DGKI: variants seen among roughly 807,000 people sequenced by gnomAD.
DGKI encodes the protein DAG kinase iota.
A neutral mutation model predicts 147.5 loss-of-function variants in DGKI; 55 were observed. The observed-to-expected ratio is 0.37, with a 90% CI of 0.30 to 0.47. DGKI has a LOEUF of 0.47. Among genes scored for constraint, DGKI ranks in the 20% least tolerant of loss-of-function variants. The probability of loss-of-function intolerance (pLI) is 1.00; values close to 1 mark genes in which losing one functional copy is unlikely to be tolerated. For synonymous variants in DGKI, 469 were observed against 477.1 expected (o/e 0.98, Z 0.22); for missense variants, 1,007 against 1,323.8 (o/e 0.76, Z 3.71).
chr7:137,796,236 G>A lies in DGKI; in HGVS notation c.401+50226C>T, dbSNP rs910759487. Among the ~76,000 whole-genome samples, 11 of 152,176 alleles carry A rather than the reference G, an allele frequency of 7.2e-5. No individual in the cohort carries two copies. The East Asian group carries it at 1.2e-3, about 16-fold the overall frequency. ...TTTAAGGCCAGGCATGGTGGCTCAC[G>A]CCTGTAATCCCAGCACTTTGGGAGG... On this transcript the variant is annotated intron_variant, in intron 1 of 32. Coordinates refer to ENST00000614521, the MANE Select transcript of DGKI (RefSeq NM_001321708.2).
intron 5 of DGKI, among the ~76,000 whole-genome samples, chr7:137,651,770 C>T: frequency 6.6e-6 from 1 of 151,868 alleles, no homozygotes; most frequent in Non-Finnish European, 1.5e-5. Context: ...TCTGATGAAA[C>T]AAGAAGAAAA....
intron 1 of DGKI, among the ~76,000 whole-genome samples, chr7:137,815,870 A>T (rs1358691299): frequency 2.0e-5 from 3 of 152,114 alleles, no homozygotes; most frequent in Non-Finnish European, 4.4e-5. Flanking sequence ...TATTTTCATT[A>T]TGGGTACCCT....
chr7:137,567,002 T>C (rs999177664), intron 19 of DGKI, among the ~76,000 whole-genome samples: 3 of 108,600 alleles, frequency 2.8e-5, no homozygotes, highest in Non-Finnish European at 5.0e-5. Context: ...TGGTGGCTCA[T>C]GCCTGTAACC....
rs7807546 is a variant in DGKI at position 137,643,278 on chromosome 7, G to A, written c.804+2194C>T. Among the ~76,000 whole-genome samples, 1,044 of 112,552 alleles carry A rather than the reference G, an allele frequency of 9.3e-3. 15 individuals are homozygous for A. Among genetic ancestry groups the A allele is most frequent in the African/African-American group, 0.035 (965 of 27,412 alleles). 73.8% of individuals were successfully genotyped at this position (112,552 alleles called of 152,430 possible). On this transcript the variant is annotated intron_variant, in intron 6 of 32. Coordinates refer to ENST00000614521, the MANE Select transcript of DGKI (RefSeq NM_001321708.2). ...TGCACTCCAACCTGGGAGACACAGC[G>A]AGACTCCGTCTCAAAAAAAAAAAAA... is the stretch of plus-strand genomic sequence containing the variant.
intron 20 of DGKI, among the ~76,000 whole-genome samples, chr7:137,537,313 C>T (rs1206973886): frequency 3.3e-5 from 5 of 152,138 alleles, no homozygotes; most frequent in African/African-American, 9.7e-5. Context: ...CTTCACTATC[C>T]GACCTTAAGA....
intron 1 of DGKI, among the ~76,000 whole-genome samples, chr7:137,762,615 G>A (rs186960518): frequency 6.6e-6 from 1 of 152,264 alleles, no homozygotes; most frequent in Admixed American, 6.5e-5. Flanking sequence ...ACCCCAGCAT[G>A]GATCACAGCT....
At chr7:137,425,013 G>A (rs989050560) in intron 28 of DGKI, among the ~76,000 whole-genome samples, 20 of 140,362 alleles carry the variant, frequency 1.4e-4, no homozygotes, top group Non-Finnish European at 2.8e-4. Flanking sequence ...AAATGTCCCT[G>A]TCTGACAGCT....
intron 1 of DGKI, among the ~76,000 whole-genome samples, chr7:137,743,994 A>G (rs1201165453): frequency 6.6e-6 from 1 of 151,572 alleles, no homozygotes; most frequent in Non-Finnish European, 1.5e-5. Flanking sequence ...AAAAAGAAAA[A>G]AAAAAAAAAC....
At chr7:137,589,443 C>T (rs1221999343) in intron 12 of DGKI, among the ~76,000 whole-genome samples, 1 of 152,228 alleles carries the variant, frequency 6.6e-6, no homozygotes, top group Non-Finnish European at 1.5e-5. Flanking sequence ...GGGGAACTTA[C>T]TCCCAGACAG....
chr7:137,457,697 A>G (rs998133989), intron 27 of DGKI, among the ~76,000 whole-genome samples: 3 of 152,170 alleles, frequency 2.0e-5, no homozygotes, highest in Non-Finnish European at 4.4e-5. Context: ...AATTTCCTTG[A>G]GCACACATAG....
At chr7:137,602,494 A>G (rs900377686) in intron 10 of DGKI, among the ~76,000 whole-genome samples, 1 of 152,164 alleles carries the variant, frequency 6.6e-6, no homozygotes, top group Admixed American at 6.5e-5. Context: ...ATATGATTAC[A>G]TCTTTTAAAA....
At chr7:137,743,964 C>T (rs1364997972) in intron 1 of DGKI, among the ~76,000 whole-genome samples, 3 of 138,228 alleles carry the variant, frequency 2.2e-5, no homozygotes, top group Admixed American at 7.7e-5. Flanking sequence ...GCCTGGGTGA[C>T]AGAGTGAGAC....
chr7:137,598,145 A>C (rs1340823872), intron 11 of DGKI, among the ~76,000 whole-genome samples: 1 of 152,232 alleles, frequency 6.6e-6, no homozygotes, highest in Non-Finnish European at 1.5e-5. Context: ...TTGGAATTTA[A>C]GGGATTTTAG....
At chr7:137,643,816 T>C (rs961472282) in intron 6 of DGKI, among the ~76,000 whole-genome samples, 2 of 152,244 alleles carry the variant, frequency 1.3e-5, no homozygotes, top group Admixed American at 1.3e-4. Context: ...AAAATGTTTA[T>C]TGATTTTCTT....
At chr7:137,552,338 G>A in intron 20 of DGKI, 31 bp downstream of exon 20, 1 of 1,610,754 alleles carries the variant, frequency 6.2e-7, no homozygotes, top group Non-Finnish European at 8.5e-7. Context: ...AGGTCTTCAT[G>A]TTAAGCAAGG....
At chr7:137,796,635 T>C (rs751743664) in intron 1 of DGKI, among the ~76,000 whole-genome samples, 9 of 151,816 alleles carry the variant, frequency 5.9e-5, no homozygotes, top group Non-Finnish European at 7.4e-5. Flanking sequence ...AAGAGCCAAA[T>C]AGAAATTCTA....
intron 10 of DGKI, among the ~76,000 whole-genome samples, chr7:137,603,116 A>G (rs1000206252): frequency 6.6e-6 from 1 of 152,204 alleles, no homozygotes; most frequent in South Asian, 2.1e-4. Flanking sequence ...TTCACCTACT[A>G]TGTGACAGGC....
intron 20 of DGKI, among the ~76,000 whole-genome samples, chr7:137,534,155 G>T (rs1817438761): frequency 6.6e-6 from 1 of 152,030 alleles, no homozygotes; most frequent in Non-Finnish European, 1.5e-5. Flanking sequence ...GGATTATTTG[G>T]ATTATTTGTT....
At chr7:137,712,227 G>A (rs949864980) in intron 1 of DGKI, among the ~76,000 whole-genome samples, 3 of 152,116 alleles carry the variant, frequency 2.0e-5, no homozygotes, top group Non-Finnish European at 4.4e-5. Context: ...AGGTTATTAC[G>A]ATGGTACCCT....
Sources: gnomAD v4.1 joint callset for allele counts (sites outside exome capture counted in the v4.1 genomes callset) on GRCh38, gnomAD v4.1.1 for gene constraint, MANE v1.5 for transcripts, NCBI Gene and HGNC (gene_info 2026-07-23, HGNC 2026-07-21) for gene names.